Variants in SNX5 observed in about 807,000 individuals in gnomAD.
SNX5 encodes the protein sorting nexin 5.
Under a neutral mutation model 53.9 loss-of-function variants are expected in SNX5, and 31 were observed. The ratio of observed to expected loss-of-function variants is 0.58; its 90% CI spans 0.43 to 0.78. The LOEUF is 0.78. SNX5 is among the 30% of genes least tolerant of loss of function. SNX5 has a pLI of 0.00. For missense variants in SNX5, 471 were observed against 478.8 expected (o/e 0.98, Z 0.15); for synonymous variants, 168 against 171.1 (o/e 0.98, Z 0.14).
chr20:17,955,818 G>A (rs2035342786), intron 2 of SNX5, among the ~76,000 whole-genome samples: 1 of 152,050 alleles, frequency 6.6e-6, no homozygotes, highest in Non-Finnish European at 1.5e-5. Flanking sequence ...GACAGGGTCT[G>A]GCTGTCACCC....
At chr20:17,968,181 G>C in intron 1 of SNX5, 194 bp downstream of exon 1, 1 of 412,298 alleles carries the variant, frequency 2.4e-6, no homozygotes, top group Non-Finnish European at 4.2e-6. Context: ...TAGAATCCGG[G>C]ACATCCACAG....
intron 1 of SNX5, among the ~76,000 whole-genome samples, chr20:17,957,684 A>G (rs1205942094): frequency 6.6e-6 from 1 of 152,258 alleles, no homozygotes; most frequent in East Asian, 1.9e-4. Flanking sequence ...CCAAAGTACA[A>G]TGAACATTCA....
chr20:17,967,087 AGGG>A (rs1369067998), intron 1 of SNX5, among the ~76,000 whole-genome samples: 2 of 152,180 alleles, frequency 1.3e-5, no homozygotes, highest in East Asian at 3.8e-4. Flanking sequence ...CTGGAGGATC[AGGG>A]TGGTGGAAGT....
chr20:17,962,854 A>T (rs530902082), intron 1 of SNX5: 63 of 519,190 alleles, frequency 1.2e-4, no homozygotes, highest in South Asian at 8.5e-4. Context: ...TTTTCAGGCT[A>T]CATAGCCTCA....
At chr20:17,943,410 T>C in intron 11 of SNX5, 1 of 520,370 alleles carries the variant, frequency 1.9e-6, no homozygotes, top group Non-Finnish European at 3.5e-6. Context: ...AAAACATCAC[T>C]GAATCACCAA....
chr20:17,951,658 G>C, intron 5 of SNX5, 63 bp from the exon 6 acceptor site: 1 of 1,106,382 alleles, frequency 9.0e-7, no homozygotes, highest in Non-Finnish European at 1.4e-6. Flanking sequence ...TCTTAAAGAA[G>C]TTCTGAGTAA....
chr20:17,961,014 A>G, intron 1 of SNX5: 9 of 446,316 alleles, frequency 2.0e-5, no homozygotes, highest in Non-Finnish European at 2.7e-5. Context: ...ACGGTAAACA[A>G]GCACGGCTTC....
intron 1 of SNX5, among the ~76,000 whole-genome samples, chr20:17,964,878 A>G (rs982368569): frequency 6.6e-6 from 1 of 152,192 alleles, no homozygotes; most frequent in Non-Finnish European, 1.5e-5. Flanking sequence ...CAGTGTCCAA[A>G]GCCTACACTC....
At chr20:17,946,710 T>C (rs1037817409) in intron 11 of SNX5, among the ~76,000 whole-genome samples, 1 of 152,218 alleles carries the variant, frequency 6.6e-6, no homozygotes, top group Non-Finnish European at 1.5e-5. Context: ...GAATCATTAA[T>C]ACATGCTAAA....
chr20:17,956,679 A>C (rs1398854135), intron 2 of SNX5, among the ~76,000 whole-genome samples: 4 of 28,464 alleles, frequency 1.4e-4, no homozygotes, highest in African/African-American at 5.1e-4. Context: ...TCTCCAAAAA[A>C]AAAAAAAAAA....
rs150810533 is a variant in SNX5 at position 17,943,178 on chromosome 20, G to A, written c.1096C>T (p.Arg366Trp). 68 of 1,607,200 alleles carry A rather than the reference G, an allele frequency of 4.2e-5. No individual in the cohort carries two copies. Among genetic ancestry groups the A allele is most frequent in the Middle Eastern group, 3.3e-4 (2 of 6,056 alleles). Residue 366 changes from arginine (R) to tryptophan (W), a missense_variant, in exon 12 of 13, where the codon CGG becomes TGG. Coordinates refer to ENST00000377759, the MANE Select transcript of SNX5 (RefSeq NM_014426.4). ...TTTCTAAATGCTGCCACTCTCTTCCGTTTGAAATTTATCAGTTCTACAGGA... is the reference window on the plus strand; with the variant it reads ...TTTCTAAATGCTGCCACTCTCTTCCATTTGAAATTTATCAGTTCTACAGGA... ...SAKEELINFKRKRVAAFRKNL... is the reference protein window; with the variant it reads ...SAKEELINFKWKRVAAFRKNL...
rs781638399 is a variant in SNX5 at position 17,968,551 on chromosome 20, C to T, written c.-126G>A. 6.5e-6 allele frequency: 6 copies of T among 927,542 alleles called. No individual in the cohort carries two copies. The highest frequency in any genetic ancestry group is 9.2e-6 in the Non-Finnish European group (6 of 649,720). The allele number at this position is 927,542 out of a possible 1,614,324, so 57.5% of individuals were successfully genotyped here. On this transcript the variant is annotated 5_prime_UTR_variant, in exon 1 of 13. Transcript: ENST00000377759. ...CCCCGCCTCCGCCGGCCTCCCTGCCCGACGGCGGCAGGAGGCCTCCGGACT... is the reference window on the plus strand; with the variant it reads ...CCCCGCCTCCGCCGGCCTCCCTGCCTGACGGCGGCAGGAGGCCTCCGGACT...
In SNX5 at chr20:17,951,488, A is replaced by G. The variant is rs1205764182; in HGVS notation, c.609+12T>C. ...AGTAAAAAATTTTCTCCAACAGCCA[A>G]AGGTCACTTACCTTAACTCCAGTAA... On this transcript the variant is annotated intron_variant, in intron 6 of 12. Coordinates refer to ENST00000377759, the MANE Select transcript of SNX5 (RefSeq NM_014426.4). 2 of 1,589,092 alleles carry G rather than the reference A, an allele frequency of 1.3e-6. No individual in the cohort carries two copies. Among genetic ancestry groups the G allele is most frequent in the Admixed American group, 1.7e-5 (1 of 59,224 alleles).
At chr20:17,948,668 C>T (rs577440612) in intron 10 of SNX5, among the ~76,000 whole-genome samples, 70 of 152,286 alleles carry the variant, frequency 4.6e-4, no homozygotes, top group African/African-American at 1.6e-3. Context: ...TGTTATGTCC[C>T]ACATCAATGA....
chr20:17,952,459 A>G, intron 5 of SNX5, 128 bp downstream of exon 5: 1 of 911,650 alleles, frequency 1.1e-6, no homozygotes, highest in Non-Finnish European at 1.6e-6. Context: ...AATGAAGGAA[A>G]AGCAGCATCT....
chr20:17,966,595 T>C (rs1171026390), intron 1 of SNX5, among the ~76,000 whole-genome samples: 1 of 152,222 alleles, frequency 6.6e-6, no homozygotes, highest in Non-Finnish European at 1.5e-5. Flanking sequence ...AAAATGAGTA[T>C]TGGGCTAGAA....
At chr20:17,962,844 T>C (rs756322240) in intron 1 of SNX5, 1 of 519,104 alleles carries the variant, frequency 1.9e-6, no homozygotes, top group Non-Finnish European at 3.8e-6. Flanking sequence ...CTGCAGGGCA[T>C]TTTCAGGCTA....
intron 11 of SNX5, among the ~76,000 whole-genome samples, chr20:17,946,299 G>A (rs556590179): frequency 3.3e-4 from 50 of 152,294 alleles, no homozygotes; most frequent in South Asian, 1.9e-3. Flanking sequence ...ACCCCGAAAC[G>A]ATGAGCATAC....
At chr20:17,962,060 C>G in intron 1 of SNX5, 1 of 857,934 alleles carries the variant, frequency 1.2e-6, no homozygotes, top group Non-Finnish European at 1.4e-6. Context: ...CCCATTGGTG[C>G]TCCGAATTGT....
Sources: gnomAD v4.1 joint callset for allele counts (sites outside exome capture counted in the v4.1 genomes callset) on GRCh38, gnomAD v4.1.1 for gene constraint, MANE v1.5 for transcripts, NCBI Gene and HGNC (gene_info 2026-07-23, HGNC 2026-07-21) for gene names.